Variants in GTF2E2 observed in about 807,000 individuals in gnomAD.
GTF2E2 encodes the protein general transcription factor IIE subunit 2, also known as transcription initiation factor IIE subunit beta.
Under a neutral mutation model 40.5 loss-of-function variants are expected in GTF2E2, and 21 were observed. The observed-to-expected ratio is 0.52, with a 90% CI of 0.37 to 0.75. The LOEUF (loss-of-function observed/expected upper bound fraction) is 0.75, where lower values mean the gene tolerates loss of function less well. Ranked by LOEUF, GTF2E2 falls within the 30% of genes least tolerant of loss-of-function variation. The probability of loss-of-function intolerance (pLI) is 0.00; values close to 1 mark genes in which losing one functional copy is unlikely to be tolerated. For missense variants in GTF2E2, 298 were observed against 338.4 expected, an observed-to-expected ratio of 0.88 and a Z score of 0.94; for synonymous variants, 117 against 121.6, an observed-to-expected ratio of 0.96 and a Z score of 0.25.
intron 3 of GTF2E2, 88 bp downstream of exon 3, chr8:30,634,944 A>C: frequency 1.5e-6 from 1 of 682,366 alleles, no homozygotes; most frequent in East Asian, 2.6e-5. Flanking sequence ...ATTTTGATGT[A>C]TACAGAAATT....
chr8:30,628,259 T>TA (rs1423992397), intron 3 of GTF2E2, among the ~76,000 whole-genome samples: 1 of 152,086 alleles, frequency 6.6e-6, no homozygotes, highest in Non-Finnish European at 1.5e-5. Flanking sequence ...TAGAAAATTT[T>TA]AAAAAAGAAA....
At chr8:30,612,822 T>C (rs1829519262) in intron 4 of GTF2E2, among the ~76,000 whole-genome samples, 1 of 152,196 alleles carries the variant, frequency 6.6e-6, no homozygotes, top group East Asian at 1.9e-4. Context: ...ACTGGGATTA[T>C]AGGCGTGAGC....
At chr8:30,600,831 A>G (rs1829156943) in intron 6 of GTF2E2, among the ~76,000 whole-genome samples, 1 of 152,220 alleles carries the variant, frequency 6.6e-6, no homozygotes, top group African/African-American at 2.4e-5. Flanking sequence ...GCTAATTCTC[A>G]TTTTAGGACA....
In GTF2E2 at chr8:30,653,494, C is replaced by CGAT; in HGVS notation, c.102_104dup (p.Ser36dup). The CGAT allele has an allele frequency of 1.2e-6, 2 of 1,613,440 alleles. No homozygotes were observed. The highest frequency in any genetic ancestry group is 1.7e-6 in the Non-Finnish European group (2 of 1,179,492). The stretch of plus-strand genomic sequence containing the variant: ...CTACCTTTGTTTTCTTCTTCTTTGA[C>CGAT]GATGATGATGATGACTCAGAAGATG... On this transcript the variant is annotated inframe_insertion, in exon 2 of 8. Coordinates refer to ENST00000355904, the MANE Select transcript of GTF2E2 (RefSeq NM_002095.6).
At position 30,605,351 on chromosome 8, in the gene GTF2E2, GTTT is replaced by G. The variant is rs564664665; in HGVS notation, c.643+1703_643+1705del. Among the ~76,000 whole-genome samples, 574 of 152,024 alleles carry G rather than the reference GTTT, an allele frequency of 3.8e-3. 2 individuals carry two copies. Among genetic ancestry groups the G allele is most frequent in the African/African-American group, 0.013 (528 of 41,462 alleles). ...GAGAAATGACAGTAAGTCACACAAT[GTTT>G]AAAGTTGAAAAAAAATCAAGAAACA... On this transcript the variant is annotated intron_variant, in intron 6 of 7. Transcript: ENST00000355904.
chr8:30,615,926 G>T (rs1800906059), intron 3 of GTF2E2, among the ~76,000 whole-genome samples: 1 of 152,166 alleles, frequency 6.6e-6, no homozygotes, highest in Admixed American at 6.5e-5. Context: ...CAACCAAGAT[G>T]TCCTTCAGTA....
chr8:30,618,445 C>A (rs907873619), intron 3 of GTF2E2, among the ~76,000 whole-genome samples: 55 of 152,204 alleles, frequency 3.6e-4, no homozygotes, highest in African/African-American at 1.2e-3. Flanking sequence ...AATCCTGAGG[C>A]GGGCCTGGGA....
Position 30,597,705 on chromosome 8 carries a change from T to C in GTF2E2, c.643+9352A>G, listed in dbSNP as rs1043465211. The stretch of plus-strand genomic sequence containing the variant: ...GCATGCAGACTTCTGGGGTTTGTTG[T>C]TGCTGTCAAGGTAGGAACGATGCTC... On this transcript the variant is annotated intron_variant, in intron 6 of 7. Transcript: ENST00000355904. Among the ~76,000 whole-genome samples, 8 of 152,366 alleles carry C rather than the reference T, an allele frequency of 5.3e-5. No homozygotes were observed. The South Asian group carries it at 6.2e-4, about 12-fold the overall frequency.
chr8:30,626,689 G>A (rs1801286740), intron 3 of GTF2E2, among the ~76,000 whole-genome samples: 2 of 152,176 alleles, frequency 1.3e-5, no homozygotes, highest in African/African-American at 4.8e-5. Context: ...AATAAGGCAA[G>A]TAATAAAGAA....
Position 30,658,143 on chromosome 8 carries a change from TGGC to T in GTF2E2, c.-178_-176del, listed in dbSNP as rs576140574. 42 of 185,488 alleles carry T rather than the reference TGGC, an allele frequency of 2.3e-4. No homozygotes were observed. Among genetic ancestry groups the T allele is most frequent in the South Asian group, 4.2e-4 (5 of 11,864 alleles). The allele number at this position is 185,488 out of a possible 1,614,324, so 11.5% of individuals were successfully genotyped here. On this transcript the variant is annotated 5_prime_UTR_variant, in exon 1 of 8. Transcript: ENST00000355904. ...CAGGTCGGGGTCTCACCACTGGCGG[TGGC>T]GGCGGCGGCGGCGGCAGCGGCGGTA...
chr8:30,597,065 A>C (rs1034983144), intron 6 of GTF2E2: 4 of 152,426 alleles, frequency 2.6e-5, no homozygotes, highest in Middle Eastern at 6.8e-3. Flanking sequence ...TTAGCCTCGT[A>C]TGGGTGGGAA....
chr8:30,620,239 AACACACACACACAC>A (rs145330914), intron 3 of GTF2E2, among the ~76,000 whole-genome samples: 1 of 150,418 alleles, frequency 6.6e-6, no homozygotes, highest in Admixed American at 6.6e-5. Context: ...CACACACACA[AACACACACACACAC>A]ACACAAACAC....
At chr8:30,592,349 C>A (rs929530159) in intron 6 of GTF2E2, among the ~76,000 whole-genome samples, 2 of 152,212 alleles carry the variant, frequency 1.3e-5, no homozygotes. Flanking sequence ...CACTGCACTC[C>A]AGCCTATACA....
At chr8:30,590,911 G>T (rs927921621) in intron 6 of GTF2E2, among the ~76,000 whole-genome samples, 2 of 151,976 alleles carry the variant, frequency 1.3e-5, no homozygotes, top group Non-Finnish European at 2.9e-5. Flanking sequence ...AGCTGGTCTC[G>T]AACTCCTAAC....
Position 30,616,082 on chromosome 8 carries a change from A to G in GTF2E2, c.259-1367T>C, listed in dbSNP as rs1476131669. 2.0e-5 allele frequency among the ~76,000 whole-genome samples: 3 copies of G among 152,216 alleles called. No individual in the cohort carries two copies. In the South Asian group the frequency reaches 6.2e-4, roughly 31 times the overall value. On this transcript the variant is annotated intron_variant, in intron 3 of 7. Coordinates refer to ENST00000355904, the MANE Select transcript of GTF2E2 (RefSeq NM_002095.6). ...GGAAAGAAGCCAATCTGAAAAGGAT[A>G]CATACTGTATGGCTCCAACTGTTGA...
chr8:30,653,802 C>T (rs1802364788), intron 1 of GTF2E2, among the ~76,000 whole-genome samples, 200 bp from the exon 2 acceptor site: 1 of 151,926 alleles, frequency 6.6e-6, no homozygotes, highest in African/African-American at 2.4e-5. Flanking sequence ...CTGTACTAGC[C>T]ATTATAGGAA....
rs377525410 is a variant in GTF2E2 at position 30,581,296 on chromosome 8, T to C, written c.644-900A>G. ...CTTCCTTTCTTCCCACCCCAGACCC[T>C]CACCCAGCGCCGCCCTCCTTTTCTT... On this transcript the variant is annotated intron_variant, in intron 6 of 7. Transcript: ENST00000355904. Among the ~76,000 whole-genome samples, 785 of 152,140 alleles carry C rather than the reference T, an allele frequency of 5.2e-3. 5 individuals are homozygous for C. The highest frequency in any genetic ancestry group is 0.018 in the African/African-American group (753 of 41,508).
At chr8:30,597,844 T>A (rs151006512) in intron 6 of GTF2E2, among the ~76,000 whole-genome samples, 1 of 152,224 alleles carries the variant, frequency 6.6e-6, no homozygotes, top group Non-Finnish European at 1.5e-5. Flanking sequence ...TATAGGCATA[T>A]ATGAAAGAAA....
At chr8:30,580,699 T>C (rs1229756379) in intron 6 of GTF2E2, among the ~76,000 whole-genome samples, 1 of 152,170 alleles carries the variant, frequency 6.6e-6, no homozygotes, top group Admixed American at 6.5e-5. Context: ...AATTCCTCTA[T>C]TTAGGGCTAA....
Sources: gnomAD v4.1 joint callset for allele counts (sites outside exome capture counted in the v4.1 genomes callset) on GRCh38, gnomAD v4.1.1 for gene constraint, MANE v1.5 for transcripts, NCBI Gene and HGNC (gene_info 2026-07-23, HGNC 2026-07-21) for gene names.